The following TRERF1 variants were observed in gnomAD, a reference collection of about 807,000 sequenced individuals.
The protein encoded by TRERF1 is transcriptional-regulating factor 1.
A neutral mutation model predicts 122.9 loss-of-function variants in TRERF1; 27 were observed. That is an observed-to-expected ratio of 0.22 (90% CI 0.16 to 0.30). TRERF1 has a LOEUF of 0.30. TRERF1 is among the 10% of genes least tolerant of loss of function. The probability of loss-of-function intolerance (pLI) is 1.00; values close to 1 mark genes in which losing one functional copy is unlikely to be tolerated. For missense variants in TRERF1, 1,248 were observed against 1,560.3 expected, an observed-to-expected ratio of 0.80 and a Z score of 3.37; for synonymous variants, 636 against 641.7, an observed-to-expected ratio of 0.99 and a Z score of 0.13.
intron 2 of TRERF1, among the ~76,000 whole-genome samples, chr6:42,446,717 C>T (rs1338872644): frequency 6.6e-6 from 1 of 152,042 alleles, no homozygotes; most frequent in Non-Finnish European, 1.5e-5. Context: ...AACCCTCGTT[C>T]CGCAGCCGGG....
intron 3 of TRERF1, among the ~76,000 whole-genome samples, chr6:42,360,124 T>C (rs931012826): frequency 8.5e-5 from 13 of 152,254 alleles, no homozygotes; most frequent in African/African-American, 3.1e-4. Flanking sequence ...TTTGGCAATA[T>C]ATGACACTAA....
At chr6:42,290,043 A>C (rs1784037270) in intron 4 of TRERF1, among the ~76,000 whole-genome samples, 2 of 152,198 alleles carry the variant, frequency 1.3e-5, no homozygotes, top group South Asian at 4.1e-4. Context: ...AGCTGGACCG[A>C]GGTTCCAAGG....
intron 2 of TRERF1, among the ~76,000 whole-genome samples, chr6:42,369,180 T>A (rs1773314035): frequency 6.6e-6 from 1 of 152,150 alleles, no homozygotes; most frequent in African/African-American, 2.4e-5. Flanking sequence ...CCAGGCACGG[T>A]GGCTCACATC....
chr6:42,390,560 G>A lies in TRERF1; in HGVS notation c.-453-27481C>T, dbSNP rs531808773. Among the ~76,000 whole-genome samples, 12 of 152,206 alleles carry A rather than the reference G, an allele frequency of 7.9e-5. No homozygotes were observed. The South Asian group carries it at 1.5e-3, about 18-fold the overall frequency. On this transcript the variant is annotated intron_variant, in intron 2 of 17. Transcript: ENST00000372922. The stretch of plus-strand genomic sequence containing the variant: ...AACTTTTTATTTTTGAAGCCTATGC[G>A]TTCGCACTGGTATCACTGTAAGGTT...
chr6:42,321,281 AAGTAGTAG>A (rs1561984847), intron 3 of TRERF1, among the ~76,000 whole-genome samples: 1 of 152,134 alleles, frequency 6.6e-6, no homozygotes, highest in African/African-American at 2.4e-5. Flanking sequence ...CAATCTAGTA[AAGTAGTAG>A]AGGAAATCTC....
At chr6:42,384,253 T>C (rs139084881) in intron 2 of TRERF1, among the ~76,000 whole-genome samples, 2,506 of 152,238 alleles carry the variant, frequency 0.016, 27 homozygotes, top group Non-Finnish European at 0.023. Context: ...TAATAACTTA[T>C]GATTCTTCTG....
intron 3 of TRERF1, among the ~76,000 whole-genome samples, chr6:42,303,511 G>A (rs1786584079): frequency 6.6e-6 from 1 of 152,180 alleles, no homozygotes; most frequent in Non-Finnish European, 1.5e-5. Context: ...GTGACAGGAT[G>A]GAGCATGGCA....
intron 2 of TRERF1, among the ~76,000 whole-genome samples, chr6:42,401,908 A>C (rs1209346177): frequency 6.6e-6 from 1 of 152,202 alleles, no homozygotes; most frequent in Non-Finnish European, 1.5e-5. Context: ...AGCCAACTAC[A>C]TTTCTACTTA....
rs1216111082 is a variant in TRERF1, at chr6:42,265,680, T to C, written c.1484+71A>G. ...TGAGGAATGACTTGGAATTTAAAAA[T>C]GAATCATGAGAGACACCCCAGAAAA... On this transcript the variant is annotated intron_variant, in intron 6 of 17. Coordinates refer to ENST00000372922, the Ensembl canonical transcript of TRERF1. 23 of 1,469,142 alleles carry C rather than the reference T, an allele frequency of 1.6e-5. 1 individual carries two copies. The highest frequency in any genetic ancestry group is 1.4e-4 in the East Asian group (6 of 42,560). The allele number at this position is 1,469,142 out of a possible 1,614,324, so 91.0% of individuals were successfully genotyped here.
At position 42,259,669 on chromosome 6, in the gene TRERF1, T is replaced by C; in HGVS notation, c.1939A>G (p.Thr647Ala). Residue 647 changes from threonine (T) to alanine (A), a missense_variant, in exon 9 of 18, where the codon ACC becomes GCC. By Grantham distance (58) the Thr-to-Ala change is moderately conservative (BLOSUM62 0). Coordinates refer to ENST00000372922, the Ensembl canonical transcript of TRERF1. This position sits in a 1 kb window ranked among gnomAD's most constrained non-coding sequence, Gnocchi z 4.9. ...CGGAACTTTTTCTTCTCCTGCACGG[T>C]CTTGAGGGGCTCCTCGGCTTTGGGC... The C allele has an allele frequency of 1.2e-6, 2 of 1,609,834 alleles. No individual in the cohort carries two copies. Among genetic ancestry groups the C allele is most frequent in the Non-Finnish European group, 1.7e-6 (2 of 1,179,956 alleles).
In TRERF1 at chr6:42,232,353, G is replaced by C. The variant is rs1770734547; in HGVS notation, c.3278+328C>G. 6.6e-6 allele frequency among the ~76,000 whole-genome samples: 1 copy of C among 152,212 alleles called. No individual in the cohort carries two copies. The highest frequency in any genetic ancestry group is 1.5e-5 in the Non-Finnish European group (1 of 68,038). On this transcript the variant is annotated intron_variant, in intron 17 of 17. Coordinates refer to ENST00000372922, the Ensembl canonical transcript of TRERF1. This position sits in a 1 kb window ranked among gnomAD's most constrained non-coding sequence, Gnocchi z 4.5. ...AAATCATTCAGCGGGGATCCAAACA[G>C]AGTAATGCTAGTGAACATAGCTTGG...
At chr6:42,234,383 G>A (rs1582432391) in intron 16 of TRERF1, among the ~76,000 whole-genome samples, 1 of 151,786 alleles carries the variant, frequency 6.6e-6, no homozygotes, top group East Asian at 1.9e-4. Context: ...CTGTCACCAG[G>A]CTGGAGTGCA....
At chr6:42,346,439 A>G (rs1768300518) in intron 3 of TRERF1, among the ~76,000 whole-genome samples, 1 of 152,228 alleles carries the variant, frequency 6.6e-6, no homozygotes, top group Non-Finnish European at 1.5e-5. Context: ...TCAGGAGCCA[A>G]CCAGAGCCAG....
At chr6:42,289,479 G>A (rs1302370859) in intron 4 of TRERF1, among the ~76,000 whole-genome samples, 4 of 152,010 alleles carry the variant, frequency 2.6e-5, no homozygotes, top group African/African-American at 9.7e-5. Flanking sequence ...TTGCTGCCAA[G>A]AGGCAAATAC....
intron 8 of TRERF1, among the ~76,000 whole-genome samples, chr6:42,261,205 C>T (rs1258684618): frequency 1.3e-5 from 2 of 152,166 alleles, no homozygotes; most frequent in African/African-American, 2.4e-5. Flanking sequence ...CCTGAAGATA[C>T]ACTCTGTTCC....
chr6:42,240,763 C>T (rs889149710), intron 15 of TRERF1, among the ~76,000 whole-genome samples: 12 of 152,120 alleles, frequency 7.9e-5, no homozygotes, highest in African/African-American at 2.7e-4. Flanking sequence ...TCTGTGTGGT[C>T]GGGGGAGAGG....
At chr6:42,342,292 C>T (rs147428512) in intron 3 of TRERF1, among the ~76,000 whole-genome samples, 363 of 152,300 alleles carry the variant, frequency 2.4e-3, no homozygotes, top group African/African-American at 6.2e-3. Flanking sequence ...GGAACTCCCT[C>T]AGCCCTAGGC....
intron 3 of TRERF1, among the ~76,000 whole-genome samples, chr6:42,358,988 G>A (rs1248631760): frequency 6.6e-6 from 1 of 152,056 alleles, no homozygotes; most frequent in Admixed American, 6.5e-5. Flanking sequence ...CAGGGAGTGG[G>A]GATGAAGAAT....
chr6:42,352,156 C>A (rs1026795816), intron 3 of TRERF1, among the ~76,000 whole-genome samples: 2 of 152,106 alleles, frequency 1.3e-5, no homozygotes, highest in Non-Finnish European at 2.9e-5. Context: ...AGGCACACAC[C>A]CATGCCTGGC....
Sources: gnomAD v4.1 joint callset for allele counts (sites outside exome capture counted in the v4.1 genomes callset) on GRCh38, gnomAD v4.1.1 for gene constraint, Gnocchi (gnomAD v3.1) non-coding constraint, MANE v1.5 for transcripts, NCBI Gene and HGNC (gene_info 2026-07-23, HGNC 2026-07-21) for gene names.